The following PTN variants were observed in gnomAD, a reference collection of about 807,000 sequenced individuals.
PTN encodes pleiotrophin.
PTN carries 18 observed loss-of-function variants against 24.1 expected under a neutral mutation model. The observed-to-expected ratio is 0.75, with a 90% CI of 0.52 to 1.11. The LOEUF (loss-of-function observed/expected upper bound fraction) is 1.11, where lower values mean the gene tolerates loss of function less well. Ranked by LOEUF, PTN falls within the 50% of genes least tolerant of loss-of-function variation. The pLI is 0.00. For missense variants in PTN, 163 were observed against 198.8 expected (o/e 0.82, Z 1.08); for synonymous variants, 78 against 68.6 (o/e 1.14, Z -0.67).
At chr7:137,230,728 T>C (rs1462188078) in intron 4 of PTN, among the ~76,000 whole-genome samples, 2 of 151,812 alleles carry the variant, frequency 1.3e-5, no homozygotes, top group African/African-American at 4.8e-5. Context: ...CCTCTCAATC[T>C]TTACCTAGTA....
chr7:137,241,147 T>C (rs1212845905), intron 4 of PTN, among the ~76,000 whole-genome samples: 1 of 152,116 alleles, frequency 6.6e-6, no homozygotes, highest in African/African-American at 2.4e-5. Context: ...ACTCACTCAC[T>C]ATCAGGAGAA....
intron 1 of PTN, among the ~76,000 whole-genome samples, chr7:137,298,069 C>T (rs1220916996): frequency 1.3e-5 from 2 of 151,948 alleles, no homozygotes; most frequent in Admixed American, 1.3e-4. Context: ...CATAAAGTAC[C>T]TGGGTCAAGG....
chr7:137,342,740 G>A (rs1041377077), intron 1 of PTN, among the ~76,000 whole-genome samples: 3 of 152,040 alleles, frequency 2.0e-5, no homozygotes, highest in Non-Finnish European at 4.4e-5. Flanking sequence ...AAATTTATGT[G>A]GGTCAAATTA....
At chr7:137,234,592 T>C (rs1382429839) in intron 4 of PTN, among the ~76,000 whole-genome samples, 2 of 152,056 alleles carry the variant, frequency 1.3e-5, no homozygotes, top group Non-Finnish European at 2.9e-5. Flanking sequence ...ACTCCCCACT[T>C]TCAATATTAA....
intron 4 of PTN, among the ~76,000 whole-genome samples, chr7:137,249,089 C>T (rs1032279477): frequency 2.0e-5 from 3 of 152,014 alleles, no homozygotes; most frequent in African/African-American, 4.8e-5. Flanking sequence ...CACTTATTTC[C>T]TAAATATCGT....
At chr7:137,250,588 A>G (rs1400762372) in intron 4 of PTN, among the ~76,000 whole-genome samples, 3 of 152,218 alleles carry the variant, frequency 2.0e-5, no homozygotes, top group African/African-American at 7.2e-5. Context: ...TATTTCCCTC[A>G]GTTGGGATCC....
chr7:137,305,347 T>C (rs1809870567), intron 1 of PTN, among the ~76,000 whole-genome samples: 1 of 152,068 alleles, frequency 6.6e-6, no homozygotes. Context: ...AGCATTTTCA[T>C]TCTGTATGAA....
chr7:137,244,733 C>T (rs1302427898), intron 4 of PTN, among the ~76,000 whole-genome samples: 1 of 151,982 alleles, frequency 6.6e-6, no homozygotes, highest in Non-Finnish European at 1.5e-5. Context: ...TCCAACTTCA[C>T]ATCTAGTATC....
intron 1 of PTN, among the ~76,000 whole-genome samples, chr7:137,321,894 T>C (rs1562922898): frequency 6.6e-6 from 1 of 152,008 alleles, no homozygotes; most frequent in African/African-American, 2.4e-5. Flanking sequence ...CTAGGATAAG[T>C]AAAAAAAAGT....
intron 1 of PTN, among the ~76,000 whole-genome samples, chr7:137,301,203 T>C (rs1809800560): frequency 6.6e-6 from 1 of 151,730 alleles, no homozygotes; most frequent in African/African-American, 2.4e-5. Context: ...GGGAATAGAG[T>C]TGCATAAGAA....
Position 137,296,301 on chromosome 7 carries a change from TTG to T in PTN, c.-1-41329_-1-41328del, listed in dbSNP as rs1334417322. Among the ~76,000 whole-genome samples the T allele has an allele frequency of 7.2e-5, 11 of 151,994 alleles. No individual in the cohort carries two copies. In the East Asian group the frequency reaches 1.9e-3, roughly 27 times the overall value. ...TATTTCTGTAAGCAATCAAGAAAAATTGTGAGAGGTAAAAGATTAAAATACCA... is the reference window on the plus strand; with the variant it reads ...TATTTCTGTAAGCAATCAAGAAAAATTGAGAGGTAAAAGATTAAAATACCA... On this transcript the variant is annotated intron_variant, in intron 1 of 4. Transcript: ENST00000348225.
chr7:137,279,963 T>C (rs1809440001), intron 1 of PTN, among the ~76,000 whole-genome samples: 1 of 152,212 alleles, frequency 6.6e-6, no homozygotes, highest in Non-Finnish European at 1.5e-5. Context: ...GATAAACTTA[T>C]TGGACTTATC....
intron 1 of PTN, among the ~76,000 whole-genome samples, chr7:137,300,136 T>C (rs539568889): frequency 6.6e-6 from 1 of 151,848 alleles, no homozygotes; most frequent in African/African-American, 2.4e-5. Flanking sequence ...AACAGGTAGA[T>C]GGATAGAACA....
chr7:137,272,130 A>G (rs1809285460), intron 1 of PTN, among the ~76,000 whole-genome samples: 1 of 152,174 alleles, frequency 6.6e-6, no homozygotes, highest in African/African-American at 2.4e-5. Context: ...TTACCAGATT[A>G]TTGTACTATC....
intron 4 of PTN, among the ~76,000 whole-genome samples, chr7:137,243,064 G>A (rs1808659421): frequency 6.6e-6 from 1 of 152,178 alleles, no homozygotes; most frequent in South Asian, 2.1e-4. Context: ...AGCCTCCCAA[G>A]TAGCTGGGAC....
chr7:137,234,788 G>A (rs1808490924), intron 4 of PTN, among the ~76,000 whole-genome samples: 1 of 152,050 alleles, frequency 6.6e-6, no homozygotes, highest in Non-Finnish European at 1.5e-5. Flanking sequence ...ATGGCCTGCT[G>A]TGTATACAGA....
chr7:137,276,040 T>G (rs1809354396), intron 1 of PTN, among the ~76,000 whole-genome samples: 1 of 152,234 alleles, frequency 6.6e-6, no homozygotes, highest in South Asian at 2.1e-4. Context: ...CATTATTATG[T>G]ATTTGGGAGG....
chr7:137,277,752 T>C (rs1809385279), intron 1 of PTN, among the ~76,000 whole-genome samples: 1 of 152,066 alleles, frequency 6.6e-6, no homozygotes, highest in South Asian at 2.1e-4. Context: ...CTATTTTTCA[T>C]ATAGATAAGG....
intron 1 of PTN, among the ~76,000 whole-genome samples, chr7:137,340,985 C>A (rs1185959957): frequency 6.6e-6 from 1 of 152,132 alleles, no homozygotes; most frequent in Non-Finnish European, 1.5e-5. Context: ...TGACTTCAGG[C>A]CCTCAATCTA....
Sources: gnomAD v4.1 joint callset for allele counts (sites outside exome capture counted in the v4.1 genomes callset) on GRCh38, gnomAD v4.1.1 for gene constraint, MANE v1.5 for transcripts, NCBI Gene and HGNC (gene_info 2026-07-23, HGNC 2026-07-21) for gene names.